Variants in DDX11 observed in about 807,000 individuals in gnomAD.
The protein encoded by DDX11 is DEAD/H-box helicase 11.
DDX11 carries 72 observed loss-of-function variants against 125.2 expected under a neutral mutation model. The observed-to-expected ratio is 0.58, with a 90% CI of 0.48 to 0.70. The LOEUF (loss-of-function observed/expected upper bound fraction) is 0.70, where lower values mean the gene tolerates loss of function less well. Ranked by LOEUF, DDX11 falls within the 30% of genes least tolerant of loss-of-function variation. The probability of loss-of-function intolerance (pLI) is 0.00; values close to 1 mark genes in which losing one functional copy is unlikely to be tolerated. For synonymous variants in DDX11, 347 were observed against 452.6 expected, an observed-to-expected ratio of 0.77 and a Z score of 2.96; for missense variants, 883 against 1,165.0, an observed-to-expected ratio of 0.76 and a Z score of 3.52.
rs10771803 is a variant in DDX11, at chr12:31,102,329, G to A, written c.2271+18G>A. Reference sequence around the variant, plus strand: ...GCATCCAGGTGCGGGCGTCATGCTGGGCTTGGGTCTGAGATCGTGTGGGGG... The same window carrying A: ...GCATCCAGGTGCGGGCGTCATGCTGAGCTTGGGTCTGAGATCGTGTGGGGG... On this transcript the variant is annotated intron_variant, in intron 22 of 26. Coordinates refer to ENST00000542838, the MANE Select transcript of DDX11 (RefSeq NM_030653.4). 781,427 of 1,605,074 alleles carry A rather than the reference G, an allele frequency of 0.49. 197,983 individuals are homozygous for A. Among genetic ancestry groups the A allele is most frequent in the East Asian group, 0.84 (37,816 of 44,826 alleles).
chr12:31,093,042 G>A (rs990335757), intron 11 of DDX11, 150 bp downstream of exon 11: 66 of 994,582 alleles, frequency 6.6e-5, no homozygotes, highest in Non-Finnish European at 9.4e-5. Flanking sequence ...GCACATCATG[G>A]TGTGTGCTGC....
intron 3 of DDX11, 26 bp downstream of exon 3, chr12:31,084,087 G>C (rs756205294): frequency 1.2e-5 from 20 of 1,612,496 alleles, no homozygotes; most frequent in Non-Finnish European, 1.6e-5. Context: ...TCCGGAAGTG[G>C]GAGTACTGGA....
intron 8 of DDX11, 65 bp from the exon 9 acceptor site, chr12:31,089,821 C>T (rs1943878074): frequency 8.3e-6 from 13 of 1,565,402 alleles, no homozygotes; most frequent in Non-Finnish European, 1.1e-5. Context: ...ACACAACCCC[C>T]TCTTGGGCCC....
In DDX11 at chr12:31,089,400, C is replaced by G. The variant is rs759048696; in HGVS notation, c.793-3C>G. On this transcript the variant is annotated splice_region_variant and splice_polypyrimidine_tract_variant and intron_variant, in intron 7 of 26. Coordinates refer to ENST00000542838, the MANE Select transcript of DDX11 (RefSeq NM_030653.4). Reference sequence around the variant, plus strand: ...TTGCCTCTTTCTTTCTCCTTTGCTGCAGAACCTTTGTGTAAATGAAGACGT... The same window carrying G: ...TTGCCTCTTTCTTTCTCCTTTGCTGGAGAACCTTTGTGTAAATGAAGACGT... The G allele has an allele frequency of 6.2e-7, 1 of 1,613,904 alleles. No homozygotes were observed. Among genetic ancestry groups the G allele is most frequent in the African/African-American group, 1.3e-5 (1 of 75,028 alleles).
In DDX11 at chr12:31,089,405, C is replaced by G. The variant is rs1258963742; in HGVS notation, c.795C>G (p.Asn265Lys). Residue 265 changes from asparagine (N) to lysine (K), a missense_variant and splice_region_variant, in exon 8 of 27, where the codon AAC (asparagine) becomes AAG (lysine). Asn to Lys is a moderately conservative substitution (Grantham distance 94). Around this residue, in one of 5 missense-constraint regions of DDX11, gnomAD observed 283 missense variants for 359.6 expected, o/e 0.79. Transcript: ENST00000542838. ...VRLVSLGSRQ[N>K]LCVNEDVKSL... ...TCTTTCTTTCTCCTTTGCTGCAGAA[C>G]CTTTGTGTAAATGAAGACGTGAAAA... 5 of 1,613,840 alleles carry G rather than the reference C, an allele frequency of 3.1e-6. No individual in the cohort carries two copies. In the African/African-American group the frequency reaches 5.3e-5, roughly 17 times the overall value.
Position 31,097,674 on chromosome 12 carries a change from C to T in DDX11, c.1763-211C>T, listed in dbSNP as rs556830450. Reference sequence around the variant, plus strand: ...CAGCCTGGGCAACAGATCGAGACTCCATCTCAAAAAAAAAAAAAAAAAAGG... The same window carrying T: ...CAGCCTGGGCAACAGATCGAGACTCTATCTCAAAAAAAAAAAAAAAAAAGG... On this transcript the variant is annotated intron_variant, in intron 17 of 26. Transcript: ENST00000542838. Among the ~76,000 whole-genome samples, 101 of 110,112 alleles carry T rather than the reference C, an allele frequency of 9.2e-4. 1 individual carries two copies. Among genetic ancestry groups the T allele is most frequent in the African/African-American group, 4.1e-3 (99 of 24,096 alleles). 72.2% of individuals were successfully genotyped at this position (110,112 alleles called of 152,430 possible).
rs138444265 is a variant in DDX11 at position 31,084,588 on chromosome 12, G to A, written c.399G>A (p.Glu133=). The A allele has an allele frequency of 1.5e-4, 242 of 1,595,832 alleles. No homozygotes were observed. The highest frequency in any genetic ancestry group is 1.9e-4 in the Non-Finnish European group (226 of 1,169,640). The part of the protein sequence containing the change: ...ERDLVDRLKA[E]QARRKQREER... ...TTCATGTCTGCCTCCTGTAGGCGGA[G>A]CAGGCCAGGAGGAAGCAGCGAGAAG... Residue 133 remains glutamate (E), a synonymous_variant, in exon 4 of 27, where the codon GAG becomes GAA. Transcript: ENST00000542838.
chr12:31,082,279 T>C (rs1942094767), intron 2 of DDX11, among the ~76,000 whole-genome samples: 1 of 151,790 alleles, frequency 6.6e-6, no homozygotes, highest in Non-Finnish European at 1.5e-5. Flanking sequence ...ACTTGTTATT[T>C]GCCAGGTAAT....
chr12:31,102,720 A>G (rs2287463), intron 23 of DDX11, 193 bp downstream of exon 23: 348,376 of 701,550 alleles, frequency 0.5, 92,245 homozygotes, highest in East Asian at 0.85. Context: ...ATTTTAGGCT[A>G]CCCATTGCTG....
intron 6 of DDX11, among the ~76,000 whole-genome samples, chr12:31,088,497 G>A (rs1201892701): frequency 1.3e-5 from 2 of 152,200 alleles, no homozygotes; most frequent in African/African-American, 4.8e-5. Context: ...TGCATGGAGG[G>A]CTATGGGTTG....
At chr12:31,083,749 G>C (rs1942480015) in intron 2 of DDX11, 64 bp from the exon 3 acceptor site, 1 of 1,558,246 alleles carries the variant, frequency 6.4e-7, no homozygotes, top group East Asian at 2.2e-5. Context: ...TATTAAAATG[G>C]GGAAAGGTCA....
chr12:31,095,797 T>G, intron 14 of DDX11, among the ~76,000 whole-genome samples: 1 of 152,278 alleles, frequency 6.6e-6, no homozygotes, highest in South Asian at 2.1e-4. Context: ...CTTCTTCCCA[T>G]GGGTCTCGGG....
Position 31,101,726 on chromosome 12 carries a change from G to C in DDX11, c.2053-107G>C, listed in dbSNP as rs1378587972. ...AGTCCTCTTCCTTGGCTGTAGTCCT[G>C]CCGAGGGTCTCTCCTCAGTTTTGAG... On this transcript the variant is annotated intron_variant, in intron 20 of 26. Transcript: ENST00000542838. The C allele has an allele frequency of 2.0e-6, 3 of 1,517,428 alleles. No individual in the cohort carries two copies. The African/African-American group carries it at 4.1e-5, about 21-fold the overall frequency. The allele number at this position is 1,517,428 out of a possible 1,614,324, so 94.0% of individuals were successfully genotyped here. A position where few individuals can be genotyped will look rare whatever the true frequency, so the allele number is the denominator to read the frequency against.
At chr12:31,089,341 G>A in intron 7 of DDX11, 62 bp from the exon 8 acceptor site, 3 of 1,583,412 alleles carry the variant, frequency 1.9e-6, no homozygotes, top group East Asian at 4.5e-5. Context: ...GTCCACGTGT[G>A]TTGGTAGGAT....
intron 2 of DDX11, among the ~76,000 whole-genome samples, chr12:31,079,116 A>T (rs1017614286): frequency 1.3e-5 from 2 of 152,142 alleles, no homozygotes; most frequent in African/African-American, 4.8e-5. Flanking sequence ...TTCAAATATA[A>T]TTCTAAGTTT....
chr12:31,089,930 C>T lies in DDX11; in HGVS notation c.925C>T (p.Gln309Ter), dbSNP rs1350841386. ...GGAGGAGAAGCCAAAGAGGAGGAGGCAGGAGAAGCAGGCAGCCTGCCCCTT... is the reference window on the plus strand; with the variant it reads ...GGAGGAGAAGCCAAAGAGGAGGAGGTAGGAGAAGCAGGCAGCCTGCCCCTT... Reference protein sequence around the residue: ...AEEEKPKRRRQEKQAACPFYN... With the variant: ...AEEEKPKRRR Residue 309 changes from glutamine (Q) to a stop codon, truncating the protein, a stop_gained, in exon 9 of 27, where the codon CAG becomes TAG. Transcript: ENST00000542838. LOFTEE classifies it high-confidence loss of function. The T allele has an allele frequency of 6.2e-7, 1 of 1,604,620 alleles. No homozygotes were observed. Among genetic ancestry groups the T allele is most frequent in the Non-Finnish European group, 8.5e-7 (1 of 1,176,914 alleles).
Position 31,097,888 on chromosome 12 carries a change from G to T in DDX11, c.1766G>T (p.Ser589Ile). The T allele has an allele frequency of 6.2e-7, 1 of 1,612,022 alleles. No homozygotes were observed. Among genetic ancestry groups the T allele is most frequent in the Non-Finnish European group, 8.5e-7 (1 of 1,178,762 alleles). ...TCCCACCGATCTGTTTTTCCAGGCA[G>T]CCTCAGTCAGAGCACCCTGAAGTTT... Reference protein sequence around the residue: ...DGRVILSRQGSLSQSTLKFLL... With the variant: ...DGRVILSRQGILSQSTLKFLL... Residue 589 changes from serine (S) to isoleucine (I), a missense_variant, in exon 18 of 27, where the codon AGC (serine) becomes ATC (isoleucine). Ser to Ile is a moderately radical substitution (Grantham distance 142). Transcript: ENST00000542838.
chr12:31,103,497 A>T (rs1476651448), intron 25 of DDX11, 80 bp from the exon 26 acceptor site: 1 of 1,609,566 alleles, frequency 6.2e-7, no homozygotes, highest in African/African-American at 1.3e-5. Context: ...AGTCTGAGGA[A>T]GGGGAGGGGG....
chr12:31,102,583 C>A lies in DDX11; in HGVS notation c.2372+56C>A. 3 of 1,535,714 alleles carry A rather than the reference C, an allele frequency of 2.0e-6. No individual in the cohort carries two copies. The South Asian group carries it at 3.4e-5, about 17-fold the overall frequency. On this transcript the variant is annotated intron_variant, in intron 23 of 26. Transcript: ENST00000542838. ...CGTGATACATGGCCGGCCCTCACTC[C>A]CAGCAGCTGGGCCCCTGCCTGCTCT...
Sources: allele counts gnomAD v4.1 joint callset (sites outside exome capture counted in the v4.1 genomes callset), GRCh38; gene constraint gnomAD v4.1.1; regional missense constraint gnomAD v4.1.1; transcripts MANE v1.5; gene names NCBI Gene and HGNC (gene_info 2026-07-23, HGNC 2026-07-21).